Variants in TOX3 observed in about 807,000 individuals in gnomAD.
The protein encoded by TOX3 is CAG trinucleotide repeat-containing gene F9 protein.
A neutral mutation model predicts 64.3 loss-of-function variants in TOX3; 22 were observed. That is an observed-to-expected ratio of 0.34 (90% CI 0.24 to 0.49). The LOEUF is 0.49. Among genes scored for constraint, TOX3 ranks in the 20% least tolerant of loss-of-function variants. TOX3 has a pLI of 0.99. For synonymous variants in TOX3, 291 were observed against 273.6 expected (o/e 1.06, Z -0.63); for missense variants, 661 against 714.4 (o/e 0.93, Z 0.85).
At chr16:52,487,500 T>C (rs1410819745) in intron 1 of TOX3, among the ~76,000 whole-genome samples, 2 of 152,152 alleles carry the variant, frequency 1.3e-5, no homozygotes, top group African/African-American at 2.4e-5. Flanking sequence ...CACACATGTA[T>C]TGCTCGAGAA....
intron 1 of TOX3, among the ~76,000 whole-genome samples, chr16:52,543,565 T>C (rs1162997367): frequency 6.6e-6 from 1 of 152,224 alleles, no homozygotes; most frequent in Admixed American, 6.5e-5. Context: ...TTTCTTAATA[T>C]ACAGGGTTTA....
intron 1 of TOX3, among the ~76,000 whole-genome samples, chr16:52,521,998 C>T (rs1403545600): frequency 2.0e-5 from 3 of 152,164 alleles, no homozygotes; most frequent in Non-Finnish European, 2.9e-5. Flanking sequence ...GCCATGCTTC[C>T]ATTTCCGTTT....
chr16:52,546,828 C>A lies in TOX3; in HGVS notation c.-105G>T. ...CACCGTCGAGGGCGCCCGGGGGTGGCGCGTGGGACTCGCGGCCGGAGGGGC... is the reference window on the plus strand; with the variant it reads ...CACCGTCGAGGGCGCCCGGGGGTGGAGCGTGGGACTCGCGGCCGGAGGGGC... On this transcript the variant is annotated 5_prime_UTR_variant, in exon 1 of 7. Coordinates refer to ENST00000219746, the MANE Select transcript of TOX3 (RefSeq NM_001080430.4). 3 of 1,258,192 alleles carry A rather than the reference C, an allele frequency of 2.4e-6. No individual in the cohort carries two copies. Among genetic ancestry groups the A allele is most frequent in the South Asian group, 2.8e-5 (1 of 36,092 alleles). The allele number at this position is 1,258,192 out of a possible 1,614,324, so 77.9% of individuals were successfully genotyped here.
At chr16:52,506,691 G>A (rs930057424) in intron 1 of TOX3, among the ~76,000 whole-genome samples, 4 of 152,096 alleles carry the variant, frequency 2.6e-5, no homozygotes, top group Non-Finnish European at 4.4e-5. Context: ...CAGATAAGAG[G>A]ACACTTATGC....
At position 52,485,246 on chromosome 16, in the gene TOX3, G is replaced by GTGTATATA. The variant is rs1555484130; in HGVS notation, c.88-16673_88-16672insTATATACA. Among the ~76,000 whole-genome samples, 43 of 127,864 alleles carry GTGTATATA rather than the reference G, an allele frequency of 3.4e-4. No individual in the cohort carries two copies. The East Asian group carries it at 5.1e-3, about 15-fold the overall frequency. The allele number at this position is 127,864 out of a possible 152,430, so 83.9% of individuals were successfully genotyped here. ...CATGTGTGTGTGTGTATGTGTGTGT[G>GTGTATATA]TATATATATATATATATATATATAT... On this transcript the variant is annotated intron_variant, in intron 1 of 6. Coordinates refer to ENST00000219746, the MANE Select transcript of TOX3 (RefSeq NM_001080430.4).
chr16:52,493,589 C>T (rs1008317078), intron 1 of TOX3, among the ~76,000 whole-genome samples: 2 of 152,142 alleles, frequency 1.3e-5, no homozygotes, highest in African/African-American at 4.8e-5. Flanking sequence ...TAAATATTCT[C>T]GTTTGTTCTC....
chr16:52,527,041 G>A (rs1962741277), intron 1 of TOX3, among the ~76,000 whole-genome samples: 1 of 151,958 alleles, frequency 6.6e-6, no homozygotes, highest in Non-Finnish European at 1.5e-5. Context: ...TCACAGTTAG[G>A]AAAGACAAAA....
chr16:52,512,984 C>A (rs991118368), intron 1 of TOX3, among the ~76,000 whole-genome samples: 6 of 152,164 alleles, frequency 3.9e-5, no homozygotes, highest in African/African-American at 1.4e-4. Flanking sequence ...GATCAGATTT[C>A]TTTTTCCAAT....
At chr16:52,520,749 G>GA (rs1046163579) in intron 1 of TOX3, among the ~76,000 whole-genome samples, 2 of 151,722 alleles carry the variant, frequency 1.3e-5, no homozygotes, top group African/African-American at 4.8e-5. Context: ...ATAAATACAG[G>GA]AAAAAAAAGT....
chr16:52,527,279 A>G (rs1962746785), intron 1 of TOX3, among the ~76,000 whole-genome samples: 1 of 152,222 alleles, frequency 6.6e-6, no homozygotes, highest in Non-Finnish European at 1.5e-5. Context: ...GAGAAATGGA[A>G]CAAGAAATCA....
chr16:52,465,463 C>A (rs75635181), intron 2 of TOX3, among the ~76,000 whole-genome samples: 3 of 109,050 alleles, frequency 2.8e-5, no homozygotes, highest in Admixed American at 8.9e-5. Context: ...TTTTTTGTTT[C>A]TTTTTGGTTT....
At chr16:52,547,767 A>T (rs958466500), upstream of TOX3, 3 of 152,196 alleles carry the variant, frequency 2.0e-5, no homozygotes, top group Non-Finnish European at 4.4e-5. Context: ...AGGTAGGCAG[A>T]CTTGAAGCTT....
At chr16:52,509,146 T>A (rs1025208713) in intron 1 of TOX3, among the ~76,000 whole-genome samples, 2 of 152,200 alleles carry the variant, frequency 1.3e-5, no homozygotes, top group African/African-American at 4.8e-5. Context: ...AGCTCATGTT[T>A]CAAATAAAGC....
chr16:52,502,397 C>A (rs1201271999), intron 1 of TOX3, among the ~76,000 whole-genome samples: 1 of 152,108 alleles, frequency 6.6e-6, no homozygotes, highest in Non-Finnish European at 1.5e-5. Flanking sequence ...GCAAGTCAAA[C>A]CTACAAGAAT....
chr16:52,463,489 A>G (rs1161401513), intron 3 of TOX3, among the ~76,000 whole-genome samples: 1 of 152,040 alleles, frequency 6.6e-6, no homozygotes, highest in Non-Finnish European at 1.5e-5. Flanking sequence ...CTTTTTTGGT[A>G]TCTCAGTTTG....
rs143391115 is a variant in TOX3, at chr16:52,489,008, T to C, written c.88-20434A>G. Among the ~76,000 whole-genome samples the C allele has an allele frequency of 1.5e-3, 230 of 152,240 alleles. 1 individual carries two copies. Among genetic ancestry groups the C allele is most frequent in the Non-Finnish European group, 2.8e-4 (19 of 68,008 alleles). ...CTAATGGACTTTGTCCCTCAATGGG[T>C]AAACAGAGGCCATGAGGTATGCAGT... On this transcript the variant is annotated intron_variant, in intron 1 of 6. Coordinates refer to ENST00000219746, the MANE Select transcript of TOX3 (RefSeq NM_001080430.4).
rs1015843185 is a variant in TOX3 at position 52,492,502 on chromosome 16, TATA to T, written c.88-23931_88-23929del. Among the ~76,000 whole-genome samples, 45 of 142,620 alleles carry T rather than the reference TATA, an allele frequency of 3.2e-4. 1 individual carries two copies. In the East Asian group the frequency reaches 7.4e-3, roughly 23 times the overall value. 93.6% of individuals were successfully genotyped at this position (142,620 alleles called of 152,430 possible). A position where few individuals can be genotyped will look rare whatever the true frequency, so the allele number is the denominator to read the frequency against. Reference sequence around the variant, plus strand: ...TTATATATATAATATATGATATATATATAATATTATATATTAGTTTGAAAAATG... The same window carrying T: ...TTATATATATAATATATGATATATATATATTATATATTAGTTTGAAAAATG... On this transcript the variant is annotated intron_variant, in intron 1 of 6. Coordinates refer to ENST00000219746, the MANE Select transcript of TOX3 (RefSeq NM_001080430.4).
intron 6 of TOX3, 56 bp from the exon 7 acceptor site, chr16:52,440,024 T>C: frequency 2.2e-6 from 3 of 1,339,270 alleles, no homozygotes; most frequent in South Asian, 1.6e-5. Flanking sequence ...ATTTAAAATA[T>C]TTAAGCATTT....
intron 1 of TOX3, among the ~76,000 whole-genome samples, chr16:52,518,973 T>A (rs1397994843): frequency 6.6e-6 from 1 of 152,222 alleles, no homozygotes; most frequent in Non-Finnish European, 1.5e-5. Flanking sequence ...ATGGCAATGA[T>A]TAATGAGCCT....
Sources: allele counts gnomAD v4.1 joint callset (sites outside exome capture counted in the v4.1 genomes callset), GRCh38; gene constraint gnomAD v4.1.1; transcripts MANE v1.5; gene names NCBI Gene and HGNC (gene_info 2026-07-23, HGNC 2026-07-21).